DHX8: variants seen among roughly 807,000 people sequenced by gnomAD.
DHX8 encodes the protein DEAH-box helicase 8.
A neutral mutation model predicts 140.7 loss-of-function variants in DHX8; 67 were observed. The observed-to-expected ratio is 0.48, with a 90% CI of 0.39 to 0.58. The LOEUF is 0.58. DHX8 is among the 20% of genes least tolerant of loss of function. The pLI is 0.00. For missense variants in DHX8, 887 were observed against 1,550.7 expected, an observed-to-expected ratio of 0.57 and a Z score of 7.19; for synonymous variants, 533 against 553.2, an observed-to-expected ratio of 0.96 and a Z score of 0.51.
intron 3 of DHX8, chr17:43,543,738 C>T (rs894934091): frequency 6.6e-6 from 1 of 152,196 alleles, no homozygotes; most frequent in African/African-American, 2.4e-5. Context: ...CACACAATAC[C>T]CTCAGAACCT....
At position 43,524,979 on chromosome 17, in the gene DHX8, A is replaced by C. The variant is rs1318934434; in HGVS notation, c.*1132A>C. The C allele has an allele frequency of 1.0e-6, 1 of 983,990 alleles. No homozygotes were observed. Among genetic ancestry groups the C allele is most frequent in the African/African-American group, 1.8e-5 (1 of 56,810 alleles). 61.0% of individuals were successfully genotyped at this position (983,990 alleles called of 1,614,324 possible). A position where few individuals can be genotyped will look rare whatever the true frequency, so the allele number is the denominator to read the frequency against. On this transcript the variant is annotated 3_prime_UTR_variant, in exon 23 of 23. Transcript: ENST00000262415. ...GGGTTTTTTTTTTTTCTTCCCATAG[A>C]GATGGGTTCCCACTGTGCTGCCCAG...
At chr17:43,539,310 C>T (rs1342766997) in intron 3 of DHX8, among the ~76,000 whole-genome samples, 2 of 152,118 alleles carry the variant, frequency 1.3e-5, no homozygotes, top group African/African-American at 4.8e-5. Flanking sequence ...GCTTTCTTGC[C>T]TTTTTCTTTT....
chr17:43,517,633 A>C (rs1020537067), intron 18 of DHX8: 1 of 272,940 alleles, frequency 3.7e-6, no homozygotes, highest in Admixed American at 5.1e-5. Flanking sequence ...AACTGTGGAC[A>C]CACACACCTA....
intron 8 of DHX8, 45 bp downstream of exon 8, chr17:43,493,931 A>AGCAT: frequency 6.3e-7 from 1 of 1,597,482 alleles, no homozygotes; most frequent in Non-Finnish European, 8.6e-7. Flanking sequence ...TTCAGCATGT[A>AGCAT]GCATGGTGCT....
At chr17:43,528,760 G>A (rs1567705038), downstream of DHX8, 1 of 1,609,380 alleles carries the variant, frequency 6.2e-7, no homozygotes, top group Non-Finnish European at 8.5e-7. Context: ...GGAGAGAGAA[G>A]GTCTGGTCAG....
intron 8 of DHX8, among the ~76,000 whole-genome samples, chr17:43,495,797 C>G (rs1195274885): frequency 1.3e-5 from 2 of 152,122 alleles, no homozygotes; most frequent in Non-Finnish European, 2.9e-5. Context: ...GTAATTAACT[C>G]TCCTAGAAAA....
Position 43,525,160 on chromosome 17 carries a change from G to A in DHX8, c.*1313G>A. On this transcript the variant is annotated 3_prime_UTR_variant, in exon 23 of 23. Transcript: ENST00000262415. ...GCCAGGCCAGGTTTCGGAACTTACG[G>A]AAAGCTGGTCTGGATGTAGTGCTTG... is the stretch of plus-strand genomic sequence containing the variant. 1 of 985,452 alleles carries A rather than the reference G, an allele frequency of 1.0e-6. No individual in the cohort carries two copies. Among genetic ancestry groups the A allele is most frequent in the East Asian group, 1.1e-4 (1 of 8,812 alleles). The allele number at this position is 985,452 out of a possible 1,614,324, so 61.0% of individuals were successfully genotyped here.
downstream of DHX8, chr17:43,526,101 C>T (rs1006512137): frequency 4.1e-6 from 4 of 985,234 alleles, no homozygotes; most frequent in African/African-American, 5.2e-5. Context: ...AAAGCAATGT[C>T]AGCAGCTGAG....
chr17:43,489,521 G>A lies in DHX8; in HGVS notation c.221G>A (p.Gly74Asp), dbSNP rs1220192524. The change falls in exon 2 of 23, where the codon GGT (glycine) becomes GAT (aspartate). Residue 74 changes from glycine (G) to aspartate (D), a missense_variant. Transcript: ENST00000262415. ...DTFKASLVKN[G>D]AEFTDSLISN... is the part of the protein sequence containing the mutation. ...TTTAAGGCTTCTCTCGTCAAAAATGGTGCAGAATTTACGGTATGTATATGT... is the reference window on the plus strand; with the variant it reads ...TTTAAGGCTTCTCTCGTCAAAAATGATGCAGAATTTACGGTATGTATATGT... The A allele has an allele frequency of 3.7e-6, 6 of 1,604,778 alleles. No individual in the cohort carries two copies. The highest frequency in any genetic ancestry group is 2.2e-5 in the East Asian group (1 of 44,818).
At position 43,520,742 on chromosome 17, in the gene DHX8, T is replaced by A; in HGVS notation, c.2938-9T>A. 2 of 1,613,982 alleles carry A rather than the reference T, an allele frequency of 1.2e-6. No individual in the cohort carries two copies. Among genetic ancestry groups the A allele is most frequent in the Middle Eastern group, 1.7e-4 (1 of 6,050 alleles). ...GGGAAGCAGTTGTAGTCTTTTTTTGTCCCTCTAGATGGCAGAGTTCCCTCT... is the reference window on the plus strand; with the variant it reads ...GGGAAGCAGTTGTAGTCTTTTTTTGACCCTCTAGATGGCAGAGTTCCCTCT... On this transcript the variant is annotated splice_polypyrimidine_tract_variant and intron_variant, in intron 19 of 22. Transcript: ENST00000262415.
chr17:43,502,068 A>T (rs1969226330), intron 11 of DHX8, among the ~76,000 whole-genome samples: 1 of 152,138 alleles, frequency 6.6e-6, no homozygotes, highest in African/African-American at 2.4e-5. Context: ...TGGAGGAGAA[A>T]TGGGTTTGTG....
At chr17:43,534,765 C>T (rs1434189833) in intron 2 of DHX8, among the ~76,000 whole-genome samples, 2 of 152,058 alleles carry the variant, frequency 1.3e-5, no homozygotes. Flanking sequence ...CATAGAGAAA[C>T]CCCATCTCTA....
intron 2 of DHX8, chr17:43,532,539 A>G: frequency 1.2e-6 from 1 of 823,786 alleles, no homozygotes; most frequent in Non-Finnish European, 1.9e-6. Flanking sequence ...TTCTTTTGAA[A>G]TTATGAAGAA....
At chr17:43,534,089 A>C in intron 2 of DHX8, 1 of 1,234,352 alleles carries the variant, frequency 8.1e-7, no homozygotes. Context: ...GGTGACTGGT[A>C]CAGCCTCCTT....
Position 43,524,607 on chromosome 17 carries a change from T to C in DHX8, c.*760T>C. The C allele has an allele frequency of 1.0e-6, 1 of 985,528 alleles. No individual in the cohort carries two copies. The highest frequency in any genetic ancestry group is 1.2e-6 in the Non-Finnish European group (1 of 829,994). 61.0% of individuals were successfully genotyped at this position (985,528 alleles called of 1,614,324 possible). A position where few individuals can be genotyped will look rare whatever the true frequency, so the allele number is the denominator to read the frequency against. ...GTCTGGAGGCCTGAGTGGCTACAGA[T>C]GGCACATATTAAATACAGAAGGTTT... is the stretch of plus-strand genomic sequence containing the variant. On this transcript the variant is annotated 3_prime_UTR_variant, in exon 23 of 23. Transcript: ENST00000262415.
At position 43,524,325 on chromosome 17, in the gene DHX8, T is replaced by C; in HGVS notation, c.*478T>C. 1 of 1,004,014 alleles carries C rather than the reference T, an allele frequency of 1.0e-6. No individual in the cohort carries two copies. The highest frequency in any genetic ancestry group is 1.2e-6 in the Non-Finnish European group (1 of 841,166). 62.2% of individuals were successfully genotyped at this position (1,004,014 alleles called of 1,614,324 possible). On this transcript the variant is annotated 3_prime_UTR_variant, in exon 23 of 23. Coordinates refer to ENST00000262415, the MANE Select transcript of DHX8 (RefSeq NM_004941.3). ...TATTTTCTTAAGGAAACAAAAATGG[T>C]TTTCTGTGACTGTTTTCTTTTAGCC...
In DHX8 at chr17:43,492,749, A is replaced by G; in HGVS notation, c.572A>G (p.Glu191Gly). 3 of 1,613,982 alleles carry G rather than the reference A, an allele frequency of 1.9e-6. No individual in the cohort carries two copies. The highest frequency in any genetic ancestry group is 2.5e-6 in the Non-Finnish European group (3 of 1,179,886). The change falls in exon 6 of 23, where the codon GAA (glutamate) becomes GGA (glycine). Residue 191 changes from glutamate to glycine, a missense_variant. Around this residue, in one of 9 missense-constraint regions of DHX8, gnomAD observed 304 missense variants for 306.9 expected, o/e 0.99. Transcript: ENST00000262415. Reference protein sequence around the residue: ...DRNRDRDRDRERNRDRDHKRR... With the variant: ...DRNRDRDRDRGRNRDRDHKRR... The stretch of plus-strand genomic sequence containing the variant: ...AACCGAGATCGAGACAGAGATAGGG[A>G]ACGAAACCGAGATAGAGACCACAAG...
At chr17:43,537,145 C>T (rs1971284129) in intron 3 of DHX8, among the ~76,000 whole-genome samples, 1 of 152,162 alleles carries the variant, frequency 6.6e-6, no homozygotes, top group African/African-American at 2.4e-5. Flanking sequence ...GCGGGTGGAT[C>T]ACCTGAGGTC....
intron 18 of DHX8, 170 bp from the exon 19 acceptor site, chr17:43,519,960 T>C: frequency 1.5e-6 from 1 of 645,502 alleles, no homozygotes; most frequent in Non-Finnish European, 2.7e-6. Context: ...CTTTCTATTA[T>C]AATAGTCTGA....
Sources: gnomAD v4.1 joint callset for allele counts (sites outside exome capture counted in the v4.1 genomes callset) on GRCh38, gnomAD v4.1.1 for gene constraint, gnomAD v4.1.1 regional missense constraint, MANE v1.5 for transcripts, NCBI Gene and HGNC (gene_info 2026-07-23, HGNC 2026-07-21) for gene names.